RBFOX1: variants seen among roughly 807,000 people sequenced by gnomAD.
RBFOX1 encodes the protein RNA binding fox-1 homolog 1, also known as RNA binding protein fox-1 homolog 1.
A neutral mutation model predicts 57.7 loss-of-function variants in RBFOX1; 8 were observed. That is an observed-to-expected ratio of 0.14 (90% confidence interval 0.08 to 0.25). The LOEUF (loss-of-function observed/expected upper bound fraction) is 0.25, where lower values mean the gene tolerates loss of function less well. Ranked by LOEUF, RBFOX1 falls within the 10% of genes least tolerant of loss-of-function variation. The probability of loss-of-function intolerance (pLI) is 1.00; values close to 1 mark genes in which losing one functional copy is unlikely to be tolerated. For synonymous variants in RBFOX1, 326 were observed against 222.4 expected (o/e 1.47, Z -4.15); for missense variants, 611 against 548.5 (o/e 1.11, Z -1.14).
At chr16:6,452,996 C>T (rs1226482921) in intron 2 of RBFOX1, among the ~76,000 whole-genome samples, 1 of 152,190 alleles carries the variant, frequency 6.6e-6, no homozygotes, top group African/African-American at 2.4e-5. Context: ...TGGGGCAACA[C>T]TGCAGGCAAT....
In RBFOX1 at chr16:6,290,194, A is replaced by G. The variant is rs993511933; in HGVS notation, c.-126-26801A>G. ...AAAGTGAGCATTAGTTACTTGTATAATAAGCACCAAAATAGATTGTTGTGA... is the reference window on the plus strand; with the variant it reads ...AAAGTGAGCATTAGTTACTTGTATAGTAAGCACCAAAATAGATTGTTGTGA... On this transcript the variant is annotated intron_variant, in intron 1 of 15. Transcript: ENST00000550418. Among the ~76,000 whole-genome samples the G allele has an allele frequency of 2.9e-5, 4 of 138,000 alleles. 1 individual carries two copies. The highest frequency in any genetic ancestry group is 2.2e-4 in the Admixed American group (3 of 13,582). The allele number at this position is 138,000 out of a possible 152,430, so 90.5% of individuals were successfully genotyped here.
chr16:5,562,718 C>G lies in RBFOX1; in HGVS notation c.259-36184C>G, dbSNP rs555048595. Among the ~76,000 whole-genome samples the G allele has an allele frequency of 1.6e-4, 25 of 152,232 alleles. No individual in the cohort carries two copies. In the South Asian group the frequency reaches 5.0e-3, roughly 30 times the overall value. ...CCCTGCTTCTGGTATGGGTGCCTCT[C>G]TGTCCTATATTTTTGTTTTTTTCTG... On this transcript the variant is annotated intron_variant, in intron 2 of 2. Transcript: ENST00000585867.
chr16:5,272,882 C>T (rs144476330), intron 1 of RBFOX1, among the ~76,000 whole-genome samples: 11 of 152,326 alleles, frequency 7.2e-5, no homozygotes, highest in African/African-American at 2.4e-4. Context: ...CTGCAAGGTG[C>T]TTGAGATGCA....
At chr16:6,768,987 A>G (rs2154210330) in intron 3 of RBFOX1, among the ~76,000 whole-genome samples, 1 of 152,240 alleles carries the variant, frequency 6.6e-6, no homozygotes, top group Admixed American at 6.5e-5. Flanking sequence ...TCGGGCTCCC[A>G]AAGTGTTGAG....
chr16:6,997,159 A>G (rs1162694297), intron 3 of RBFOX1, among the ~76,000 whole-genome samples: 1 of 152,144 alleles, frequency 6.6e-6, no homozygotes, highest in Non-Finnish European at 1.5e-5. Context: ...CTGTTAGCTG[A>G]AATTAAATAG....
At chr16:7,337,465 A>T (rs2096812075) in intron 4 of RBFOX1, among the ~76,000 whole-genome samples, 1 of 152,180 alleles carries the variant, frequency 6.6e-6, no homozygotes, top group African/African-American at 2.4e-5. Context: ...TGATACTGAG[A>T]TAGAGCCTTG....
At chr16:6,456,585 A>T (rs1033140238) in intron 2 of RBFOX1, among the ~76,000 whole-genome samples, 2 of 152,170 alleles carry the variant, frequency 1.3e-5, no homozygotes, top group African/African-American at 4.8e-5. Flanking sequence ...AAGTGGATCA[A>T]ATTTTCTATT....
At chr16:7,001,721 T>C (rs1339722944) in intron 3 of RBFOX1, among the ~76,000 whole-genome samples, 1 of 152,116 alleles carries the variant, frequency 6.6e-6, no homozygotes, top group Non-Finnish European at 1.5e-5. Context: ...CCTCCCACGG[T>C]GCTGGGATCA....
chr16:7,123,737 T>A (rs569174932), intron 4 of RBFOX1, among the ~76,000 whole-genome samples: 2 of 152,318 alleles, frequency 1.3e-5, no homozygotes, highest in East Asian at 3.9e-4. Context: ...GACATATATA[T>A]TTATATTGTA....
rs559981985 is a variant in RBFOX1, at chr16:6,917,255, G to C, written c.-15-134802G>C. On this transcript the variant is annotated intron_variant, in intron 3 of 15. Coordinates refer to ENST00000550418, the MANE Select transcript of RBFOX1 (RefSeq NM_018723.4). Reference sequence around the variant, plus strand: ...TTGGTCCCCGCTCTCACTGCAAAGAGTCTGTCCCAGCTACTGTTAGGGACT... The same window carrying C: ...TTGGTCCCCGCTCTCACTGCAAAGACTCTGTCCCAGCTACTGTTAGGGACT... Among the ~76,000 whole-genome samples the C allele has an allele frequency of 1.1e-3, 172 of 152,308 alleles. 6 individuals carry two copies. In the South Asian group the frequency reaches 0.035, roughly 31 times the overall value.
intron 4 of RBFOX1, among the ~76,000 whole-genome samples, chr16:7,335,980 C>A (rs946392845): frequency 6.6e-6 from 1 of 152,194 alleles, no homozygotes; most frequent in Non-Finnish European, 1.5e-5. Context: ...GAGTAGTATT[C>A]CCAAGTGCAT....
chr16:7,297,055 A>G (rs780363574), intron 4 of RBFOX1, among the ~76,000 whole-genome samples: 69 of 152,186 alleles, frequency 4.5e-4, no homozygotes, highest in Non-Finnish European at 8.2e-4. Context: ...TGGGAGCCAT[A>G]GTCAGTAGCC....
intron 5 of RBFOX1, among the ~76,000 whole-genome samples, chr16:7,560,442 A>AT (rs2090045389): frequency 1.3e-5 from 2 of 151,532 alleles, no homozygotes; most frequent in Admixed American, 6.6e-5. Flanking sequence ...AAATGAAAGT[A>AT]CCCCCAGTGA....
chr16:7,705,398 G>A (rs894632541), intron 14 of RBFOX1, among the ~76,000 whole-genome samples: 25 of 152,104 alleles, frequency 1.6e-4, no homozygotes, highest in East Asian at 3.9e-4. Flanking sequence ...CCAGCTATTC[G>A]GGAGGCTGAG....
chr16:6,607,209 A>G (rs943530604), intron 2 of RBFOX1, among the ~76,000 whole-genome samples: 3 of 152,172 alleles, frequency 2.0e-5, no homozygotes, highest in South Asian at 4.1e-4. Flanking sequence ...ATTGGGGACA[A>G]TGACAGAAAG....
intron 3 of RBFOX1, among the ~76,000 whole-genome samples, chr16:6,965,645 C>A (rs550145405): frequency 6.6e-6 from 1 of 152,168 alleles, no homozygotes; most frequent in African/African-American, 2.4e-5. Context: ...CTGACAAATC[C>A]AGTTTTCACT....
intron 4 of RBFOX1, among the ~76,000 whole-genome samples, chr16:7,197,173 C>T (rs2086913017): frequency 6.6e-6 from 1 of 152,144 alleles, no homozygotes; most frequent in Non-Finnish European, 1.5e-5. Flanking sequence ...TTTCTCCAGG[C>T]TGTTGAAACT....
chr16:7,113,558 G>C (rs542413115), intron 4 of RBFOX1, among the ~76,000 whole-genome samples: 7 of 152,188 alleles, frequency 4.6e-5, no homozygotes, highest in Non-Finnish European at 8.8e-5. Context: ...ATGCAATTAT[G>C]CACCCGCACC....
intron 3 of RBFOX1, among the ~76,000 whole-genome samples, chr16:6,961,552 A>G (rs548375833): frequency 6.6e-6 from 1 of 152,358 alleles, no homozygotes; most frequent in South Asian, 2.1e-4. Context: ...AGACGAGCGA[A>G]GAAACAAACG....
Sources: gnomAD v4.1 joint callset for allele counts (sites outside exome capture counted in the v4.1 genomes callset) on GRCh38, gnomAD v4.1.1 for gene constraint, MANE v1.5 for transcripts, NCBI Gene and HGNC (gene_info 2026-07-23, HGNC 2026-07-21) for gene names.